The following SLC24A2 variants were observed in gnomAD, a reference collection of about 807,000 sequenced individuals.
The protein encoded by SLC24A2 is solute carrier family 24 member 2.
Under a neutral mutation model 62.0 loss-of-function variants are expected in SLC24A2, and 36 were observed. That is an observed-to-expected ratio of 0.58 (90% confidence interval 0.44 to 0.77). The LOEUF (loss-of-function observed/expected upper bound fraction) is 0.77, where lower values mean the gene tolerates loss of function less well. Ranked by LOEUF, SLC24A2 falls within the 30% of genes least tolerant of loss-of-function variation. The pLI, the probability that SLC24A2 is intolerant of heterozygous loss-of-function variation, is 0.00. For missense variants in SLC24A2, 846 were observed against 817.9 expected (o/e 1.03, Z -0.42); for synonymous variants, 358 against 294.0 (o/e 1.22, Z -2.23).
intron 10 of SLC24A2, 119 bp from the exon 11 acceptor site, chr9:19,516,521 G>A: frequency 8.1e-7 from 1 of 1,231,686 alleles, no homozygotes; most frequent in Non-Finnish European, 1.1e-6. Context: ...TGAAAAGGGT[G>A]TCTTGTTAGG....
chr9:19,852,883 A>G, the SLC24A2 span, among the ~76,000 whole-genome samples: 4 of 152,096 alleles, frequency 2.6e-5, no homozygotes, highest in Non-Finnish European at 5.9e-5. Flanking sequence ...TAATGGAAAT[A>G]GCATTTAATC....
chr9:20,207,094 C>A, the SLC24A2 span, among the ~76,000 whole-genome samples: 8 of 152,180 alleles, frequency 5.3e-5, no homozygotes, highest in African/African-American at 1.9e-4. Context: ...TACTGAGTAA[C>A]ATTCACTGAA....
At chr9:19,679,975 G>T (rs1272264562) in intron 2 of SLC24A2, among the ~76,000 whole-genome samples, 1 of 151,756 alleles carries the variant, frequency 6.6e-6, no homozygotes, top group Non-Finnish European at 1.5e-5. Flanking sequence ...CCACAGAAAG[G>T]AACCTTAACT....
intron 4 of SLC24A2, among the ~76,000 whole-genome samples, chr9:19,614,410 C>T (rs1229533848): frequency 6.6e-6 from 1 of 152,226 alleles, no homozygotes; most frequent in Non-Finnish European, 1.5e-5. Context: ...GTCAGGCCAA[C>T]TTTGTCCCCC....
At chr9:19,838,119 G>T in the SLC24A2 span, among the ~76,000 whole-genome samples, 2 of 151,996 alleles carry the variant, frequency 1.3e-5, no homozygotes, top group Admixed American at 6.6e-5. Context: ...AAGTCAATCC[G>T]AAGCCTAAAG....
At chr9:19,995,307 T>C in the SLC24A2 span, among the ~76,000 whole-genome samples, 1 of 152,208 alleles carries the variant, frequency 6.6e-6, no homozygotes, top group Non-Finnish European at 1.5e-5. Context: ...ATTTTAGAAA[T>C]ATGTTCATCC....
At chr9:19,695,814 T>A (rs578160181) in intron 2 of SLC24A2, among the ~76,000 whole-genome samples, 1 of 152,054 alleles carries the variant, frequency 6.6e-6, no homozygotes, top group South Asian at 2.1e-4. Flanking sequence ...GAGCTAAGTA[T>A]CTCAATACAG....
At chr9:20,225,484 G>GA in the SLC24A2 span, among the ~76,000 whole-genome samples, 52 of 139,256 alleles carry the variant, frequency 3.7e-4, no homozygotes, top group East Asian at 7.8e-3. Context: ...TAAGAAATGT[G>GA]AAAAAATTCA....
At chr9:19,712,174 T>G (rs776190709) in intron 2 of SLC24A2, among the ~76,000 whole-genome samples, 5 of 152,170 alleles carry the variant, frequency 3.3e-5, no homozygotes, top group African/African-American at 7.2e-5. Flanking sequence ...AGTTCCACGT[T>G]TAGGACGAGG....
the SLC24A2 span, among the ~76,000 whole-genome samples, chr9:20,124,104 A>G: frequency 1.3e-5 from 2 of 152,196 alleles, no homozygotes; most frequent in African/African-American, 4.8e-5. Flanking sequence ...TCCTTGATAC[A>G]ATGGTGGACA....
At chr9:20,170,636 G>T in the SLC24A2 span, among the ~76,000 whole-genome samples, 1 of 151,902 alleles carries the variant, frequency 6.6e-6, no homozygotes, top group East Asian at 1.9e-4. Flanking sequence ...AGTAACTAGG[G>T]ACAAGGAGAA....
intron 2 of SLC24A2, among the ~76,000 whole-genome samples, chr9:19,753,220 A>C (rs1822037568): frequency 6.6e-6 from 1 of 152,164 alleles, no homozygotes; most frequent in Admixed American, 6.5e-5. Flanking sequence ...CCTGCAGCAG[A>C]ATCATTTCTC....
chr9:19,641,236 C>T (rs763618881), intron 2 of SLC24A2, among the ~76,000 whole-genome samples: 4 of 152,248 alleles, frequency 2.6e-5, no homozygotes, highest in Non-Finnish European at 5.9e-5. Context: ...ACTTCTCAGT[C>T]TTGGGAACTC....
the SLC24A2 span, among the ~76,000 whole-genome samples, chr9:20,000,696 T>C: frequency 6.6e-6 from 1 of 152,178 alleles, no homozygotes; most frequent in Admixed American, 6.5e-5. Flanking sequence ...TGTTATATAA[T>C]TTTAAGGCTC....
At chr9:20,300,326 A>G in the SLC24A2 span, among the ~76,000 whole-genome samples, 1 of 152,172 alleles carries the variant, frequency 6.6e-6, no homozygotes, top group Non-Finnish European at 1.5e-5. Context: ...ACTTTAATTG[A>G]GCTCCTCCAT....
chr9:19,917,574 T>A, the SLC24A2 span, among the ~76,000 whole-genome samples: 1 of 151,982 alleles, frequency 6.6e-6, no homozygotes, highest in Admixed American at 6.6e-5. Flanking sequence ...TTTTTTCATA[T>A]GGATCATGCA....
the SLC24A2 span, among the ~76,000 whole-genome samples, chr9:20,107,778 G>C: frequency 1.3e-5 from 2 of 152,062 alleles, no homozygotes; most frequent in Non-Finnish European, 2.9e-5. Context: ...TCAGGACATA[G>C]GCATGGGCAA....
At chr9:20,065,426 G>C in the SLC24A2 span, among the ~76,000 whole-genome samples, 1 of 152,234 alleles carries the variant, frequency 6.6e-6, no homozygotes, top group African/African-American at 2.4e-5. Context: ...GTAAATGCCT[G>C]TGGATTTTGA....
chr9:19,823,396 A>G, the SLC24A2 span, among the ~76,000 whole-genome samples: 1 of 152,076 alleles, frequency 6.6e-6, no homozygotes, highest in Non-Finnish European at 1.5e-5. Context: ...TTACTTCTAA[A>G]TATTTCAGCT....
Sources: gnomAD v4.1 joint callset for allele counts (sites outside exome capture counted in the v4.1 genomes callset) on GRCh38, gnomAD v4.1.1 for gene constraint, MANE v1.5 for transcripts, NCBI Gene and HGNC (gene_info 2026-07-23, HGNC 2026-07-21) for gene names.